SIRPA: variants seen among roughly 807,000 people sequenced by gnomAD.
The protein encoded by SIRPA is tyrosine-protein phosphatase non-receptor type substrate 1.
In SIRPA, 9 loss-of-function variants were observed where a neutral mutation model predicts 50.3. The observed-to-expected ratio is 0.18, with a 90% CI of 0.11 to 0.31. SIRPA has a LOEUF of 0.31. SIRPA is among the 10% of genes least tolerant of loss of function. The pLI is 1.00. For missense variants in SIRPA, 474 were observed against 661.6 expected (o/e 0.72, Z 3.11); for synonymous variants, 265 against 284.1 (o/e 0.93, Z 0.68).
At chr20:1,915,854 T>G (rs974850689) in intron 2 of SIRPA, among the ~76,000 whole-genome samples, 2 of 152,238 alleles carry the variant, frequency 1.3e-5, no homozygotes, top group Non-Finnish European at 2.9e-5. Context: ...AGGCACTCAC[T>G]GAGAACCTAC....
intron 1 of SIRPA, among the ~76,000 whole-genome samples, chr20:1,906,066 C>T (rs1338637398): frequency 6.6e-6 from 1 of 152,206 alleles, no homozygotes; most frequent in Admixed American, 6.5e-5. Flanking sequence ...GTGACAGCTG[C>T]TCTGCATTGA....
rs1302560601 is a variant in SIRPA at position 1,932,074 on chromosome 20, A to G, written c.1227-2641A>G. 6.6e-6 allele frequency among the ~76,000 whole-genome samples: 1 copy of G among 152,226 alleles called. No individual in the cohort carries two copies. The highest frequency in any genetic ancestry group is 1.9e-4 in the East Asian group (1 of 5,180). On this transcript the variant is annotated intron_variant, in intron 6 of 7. Coordinates refer to ENST00000358771, the MANE Select transcript of SIRPA (RefSeq NM_001040023.2). This position sits in a 1 kb window ranked among gnomAD's most constrained non-coding sequence, Gnocchi z 6.0. ...GAAAGATTCATTCATTCATTCATTC[A>G]TTCATTCATTCAGCAAATACATATG...
At position 1,934,864 on chromosome 20, in the gene SIRPA, G is replaced by A; in HGVS notation, c.1266+110G>A. The stretch of plus-strand genomic sequence containing the variant: ...AATTAAGACTCCTTGTGGGGTGGAG[G>A]GTGGAGGATCTTACACTCCTAGCTT... On this transcript the variant is annotated intron_variant, in intron 7 of 7. Transcript: ENST00000358771. This position sits in a 1 kb window ranked among gnomAD's most constrained non-coding sequence, Gnocchi z 4.6. 1.7e-6 allele frequency: 2 copies of A among 1,202,282 alleles called. No homozygotes were observed. Among genetic ancestry groups the A allele is most frequent in the Non-Finnish European group, 2.5e-6 (2 of 809,738 alleles). 74.5% of individuals were successfully genotyped at this position (1,202,282 alleles called of 1,614,324 possible).
At chr20:1,897,108 C>A (rs560061702) in intron 1 of SIRPA, among the ~76,000 whole-genome samples, 2 of 152,298 alleles carry the variant, frequency 1.3e-5, no homozygotes, top group South Asian at 2.1e-4. Context: ...CGCTGATTAG[C>A]AAGTGCTCCG....
rs1207641160 is a variant in SIRPA, at chr20:1,932,703, T to G, written c.1227-2012T>G. 1.3e-5 allele frequency among the ~76,000 whole-genome samples: 2 copies of G among 152,142 alleles called. No individual in the cohort carries two copies. Among genetic ancestry groups the G allele is most frequent in the Non-Finnish European group, 2.9e-5 (2 of 68,026 alleles). On this transcript the variant is annotated intron_variant, in intron 6 of 7. Coordinates refer to ENST00000358771, the MANE Select transcript of SIRPA (RefSeq NM_001040023.2). This position sits in a 1 kb window ranked among gnomAD's most constrained non-coding sequence, Gnocchi z 6.0. The stretch of plus-strand genomic sequence containing the variant: ...GGTGGGGAGATCAAGGAGGAGGTTC[T>G]TCAGGAATCAGGGGAGTTCGGATGG...
rs1600440672 is a variant in SIRPA at position 1,923,993 on chromosome 20, G to T, written c.1088-771G>T. Among the ~76,000 whole-genome samples the T allele has an allele frequency of 5.3e-5, 8 of 151,876 alleles. No individual in the cohort carries two copies. The South Asian group carries it at 1.5e-3, about 28-fold the overall frequency. On this transcript the variant is annotated intron_variant, in intron 4 of 7. Coordinates refer to ENST00000358771, the MANE Select transcript of SIRPA (RefSeq NM_001040023.2). ...AGTTGGTTGGCTGGTTGGTTGGTTG[G>T]TTGGTTGGTTGGTTGGTTGGTTGGT...
chr20:1,895,398 C>G (rs981548852), upstream of SIRPA: 128 of 1,139,672 alleles, frequency 1.1e-4, no homozygotes, highest in Non-Finnish European at 1.5e-4. Context: ...TGCTCCCGCC[C>G]GAGCGCGCAC....
At chr20:1,935,349 C>T (rs1336430631) in intron 7 of SIRPA, among the ~76,000 whole-genome samples, 3 of 152,248 alleles carry the variant, frequency 2.0e-5, no homozygotes, top group Non-Finnish European at 2.9e-5. Flanking sequence ...GCTGTCAGAC[C>T]TTGAAGGCAG....
At chr20:1,907,685 A>G (rs987732406) in intron 1 of SIRPA, among the ~76,000 whole-genome samples, 1 of 152,214 alleles carries the variant, frequency 6.6e-6, no homozygotes, top group South Asian at 2.1e-4. Context: ...GCTCATGTCC[A>G]GGACGGCCCC....
In SIRPA at chr20:1,915,415, G is replaced by A. The variant is rs761599213; in HGVS notation, c.396G>A (p.Val132=). ...VKFRKGSPDD[V]EFKSGAGTEL... Reference sequence around the variant, plus strand: ...TCCGGAAAGGGAGCCCCGATGACGTGGAGTTTAAGTCTGGAGCAGGCACTG... The same window carrying A: ...TCCGGAAAGGGAGCCCCGATGACGTAGAGTTTAAGTCTGGAGCAGGCACTG... Residue 132 remains valine, a synonymous_variant, in exon 2 of 8, where the codon GTG becomes GTA. Coordinates refer to ENST00000358771, the MANE Select transcript of SIRPA (RefSeq NM_001040023.2). 5.6e-6 allele frequency: 9 copies of A among 1,612,930 alleles called. No homozygotes were observed. The highest frequency in any genetic ancestry group is 2.2e-5 in the East Asian group (1 of 44,818).
chr20:1,918,966 C>G (rs1340917613), intron 2 of SIRPA, among the ~76,000 whole-genome samples: 3 of 152,216 alleles, frequency 2.0e-5, no homozygotes, highest in African/African-American at 7.2e-5. Context: ...CCTCAGTGTC[C>G]TCACTTGTCA....
chr20:1,918,360 C>CCTTTTTTTTTTTTTTTTTTT (rs745958149), intron 2 of SIRPA, among the ~76,000 whole-genome samples: 3 of 95,698 alleles, frequency 3.1e-5, no homozygotes, highest in African/African-American at 4.1e-5. Flanking sequence ...ACCACACCAG[C>CCTTTTTTTTTTTTTTTTTTT]TTTTTTTTTT....
intron 6 of SIRPA, among the ~76,000 whole-genome samples, chr20:1,929,987 C>A (rs866366160): frequency 1.8e-4 from 28 of 152,132 alleles, no homozygotes; most frequent in Non-Finnish European, 5.9e-5. Flanking sequence ...TGTGCTCCCC[C>A]CTTCCCTCCT....
chr20:1,905,967 G>A (rs923996144), intron 1 of SIRPA, among the ~76,000 whole-genome samples: 7 of 152,194 alleles, frequency 4.6e-5, no homozygotes, highest in Non-Finnish European at 7.3e-5. Context: ...AGGCAGAGCT[G>A]GTTCTGCCTC....
intron 1 of SIRPA, among the ~76,000 whole-genome samples, chr20:1,903,472 C>T (rs960117544): frequency 1.3e-5 from 2 of 152,166 alleles, no homozygotes; most frequent in Admixed American, 6.5e-5. Context: ...TTTCCGCAGC[C>T]GTCCTTGCCC....
At position 1,927,376 on chromosome 20, in the gene SIRPA, G is replaced by A. The variant is rs1307752161; in HGVS notation, c.1202-499G>A. 6.6e-6 allele frequency among the ~76,000 whole-genome samples: 1 copy of A among 152,174 alleles called. No individual in the cohort carries two copies. The highest frequency in any genetic ancestry group is 1.5e-5 in the Non-Finnish European group (1 of 68,034). The stretch of plus-strand genomic sequence containing the variant: ...TGGCATGTAAATAAATGGATGCTCA[G>A]CCCAACCCTGCAAGTTATAGAAGCT... On this transcript the variant is annotated intron_variant, in intron 5 of 7. Coordinates refer to ENST00000358771, the MANE Select transcript of SIRPA (RefSeq NM_001040023.2). This position sits in a 1 kb window ranked among gnomAD's most constrained non-coding sequence, Gnocchi z 6.5.
intron 1 of SIRPA, among the ~76,000 whole-genome samples, chr20:1,900,744 C>G (rs1041641707): frequency 6.6e-6 from 1 of 152,216 alleles, no homozygotes; most frequent in Non-Finnish European, 1.5e-5. Context: ...TGGAACTTTC[C>G]ACTGTTTCAG....
chr20:1,918,651 G>C lies in SIRPA; in HGVS notation c.437-2744G>C, dbSNP rs1056873039. ...GAGGATGCAATGAGCCTGGGGCGAC[G>C]ATAGACCTTAGTAAGCAATGGGGTT... On this transcript the variant is annotated intron_variant, in intron 2 of 7. Coordinates refer to ENST00000358771, the MANE Select transcript of SIRPA (RefSeq NM_001040023.2). Among the ~76,000 whole-genome samples the C allele has an allele frequency of 1.3e-5, 2 of 152,064 alleles. 1 individual carries two copies. Among genetic ancestry groups the C allele is most frequent in the South Asian group, 4.1e-4 (2 of 4,824 alleles).
intron 5 of SIRPA, among the ~76,000 whole-genome samples, chr20:1,926,965 G>T (rs1986016049): frequency 6.6e-6 from 1 of 152,162 alleles, no homozygotes; most frequent in African/African-American, 2.4e-5. Context: ...TGTAAAAGGG[G>T]GTGACTGGTG....
Sources: gnomAD v4.1 joint callset for allele counts (sites outside exome capture counted in the v4.1 genomes callset) on GRCh38, gnomAD v4.1.1 for gene constraint, Gnocchi (gnomAD v3.1) non-coding constraint, MANE v1.5 for transcripts, NCBI Gene and HGNC (gene_info 2026-07-23, HGNC 2026-07-21) for gene names.